Variants in TRHDE observed in about 807,000 individuals in gnomAD.
TRHDE encodes the protein thyrotropin-releasing hormone-degrading ectoenzyme.
In TRHDE, 72 loss-of-function variants were observed where a neutral mutation model predicts 125.7. The ratio of observed to expected loss-of-function variants is 0.57; its 90% CI spans 0.47 to 0.70. The LOEUF (loss-of-function observed/expected upper bound fraction) is 0.70. Ranked by LOEUF, TRHDE falls within the 30% of genes least tolerant of loss-of-function variation. The pLI is 0.00. For missense variants in TRHDE, 1,110 were observed against 1,327.1 expected (o/e 0.84, Z 2.54); for synonymous variants, 509 against 509.1 (o/e 1.00, Z 0.00).
chr12:72,561,922 T>C (rs1302413434), intron 7 of TRHDE, among the ~76,000 whole-genome samples: 3 of 152,178 alleles, frequency 2.0e-5, no homozygotes, highest in Non-Finnish European at 4.4e-5. Context: ...TCTGAATATC[T>C]GTAAGAAGTT....
chr12:72,429,629 A>G (rs1437776961), intron 3 of TRHDE, among the ~76,000 whole-genome samples: 1 of 152,056 alleles, frequency 6.6e-6, no homozygotes, highest in Non-Finnish European at 1.5e-5. Flanking sequence ...TGTCTGGACC[A>G]TTCTACATTC....
chr12:72,375,156 T>G (rs1219413402), intron 2 of TRHDE, among the ~76,000 whole-genome samples: 7 of 152,050 alleles, frequency 4.6e-5, no homozygotes, highest in Non-Finnish European at 5.9e-5. Flanking sequence ...GAAGGGAGGG[T>G]ACATTGTTAT....
At chr12:72,347,994 G>T (rs1431530474) in intron 2 of TRHDE, among the ~76,000 whole-genome samples, 1 of 151,898 alleles carries the variant, frequency 6.6e-6, no homozygotes, top group Non-Finnish European at 1.5e-5. Flanking sequence ...CCACACACAG[G>T]CTTGATTGTT....
chr12:72,280,803 A>G (rs563068239), intron 1 of TRHDE, among the ~76,000 whole-genome samples: 2 of 152,344 alleles, frequency 1.3e-5, no homozygotes, highest in South Asian at 4.1e-4. Flanking sequence ...CTTAAGTACC[A>G]AGGGAAAGGC....
intron 5 of TRHDE, among the ~76,000 whole-genome samples, chr12:72,476,717 A>G (rs1183260411): frequency 1.3e-5 from 2 of 152,184 alleles, no homozygotes; most frequent in Non-Finnish European, 2.9e-5. Flanking sequence ...TTTATCTGCT[A>G]GAGAGATACT....
At chr12:72,091,943 C>T (rs890005773) in intron 1 of TRHDE, among the ~76,000 whole-genome samples, 1 of 152,192 alleles carries the variant, frequency 6.6e-6, no homozygotes, top group Non-Finnish European at 1.5e-5. Context: ...AAGCAGAGAG[C>T]TCTCTTCTTC....
intron 2 of TRHDE, among the ~76,000 whole-genome samples, chr12:72,311,141 T>A (rs1868523125): frequency 6.6e-6 from 1 of 152,128 alleles, no homozygotes; most frequent in East Asian, 1.9e-4. Context: ...CACTCCAAAA[T>A]GTTCCTTTAT....
At chr12:72,539,523 C>A (rs915289626) in intron 6 of TRHDE, among the ~76,000 whole-genome samples, 1 of 151,812 alleles carries the variant, frequency 6.6e-6, no homozygotes, top group Admixed American at 6.6e-5. Context: ...CTCCTCTGAG[C>A]CAGACATAGG....
At chr12:72,379,331 A>G (rs181768642) in intron 3 of TRHDE, among the ~76,000 whole-genome samples, 4 of 152,290 alleles carry the variant, frequency 2.6e-5, no homozygotes, top group Admixed American at 2.6e-4. Context: ...TCATAGGCAA[A>G]ATTTTATTTT....
chr12:72,138,323 C>T (rs753768030), intron 2 of TRHDE, among the ~76,000 whole-genome samples: 15 of 151,918 alleles, frequency 9.9e-5, no homozygotes, highest in African/African-American at 3.4e-4. Flanking sequence ...TGCAGTGAGT[C>T]GAGATCACAC....
chr12:72,341,933 A>G (rs1005962318), intron 2 of TRHDE, among the ~76,000 whole-genome samples: 2 of 152,142 alleles, frequency 1.3e-5, no homozygotes, highest in Non-Finnish European at 2.9e-5. Flanking sequence ...ATGATTTTGG[A>G]AGAACTAGTC....
At chr12:72,598,813 A>C (rs1221957507) in intron 12 of TRHDE, among the ~76,000 whole-genome samples, 1 of 152,062 alleles carries the variant, frequency 6.6e-6, no homozygotes, top group Non-Finnish European at 1.5e-5. Context: ...TTTGGTATAG[A>C]AATGATCCCA....
At chr12:72,400,544 A>G (rs542356087) in intron 3 of TRHDE, among the ~76,000 whole-genome samples, 23 of 152,274 alleles carry the variant, frequency 1.5e-4, no homozygotes, top group African/African-American at 5.3e-4. Flanking sequence ...GATATTCTCA[A>G]ACCTTGGGAG....
At chr12:72,370,375 A>C (rs1871521537) in intron 2 of TRHDE, among the ~76,000 whole-genome samples, 1 of 152,080 alleles carries the variant, frequency 6.6e-6, no homozygotes, top group Non-Finnish European at 1.5e-5. Flanking sequence ...TTTCCTCCTA[A>C]TCCATCATCT....
intron 3 of TRHDE, among the ~76,000 whole-genome samples, chr12:72,425,869 G>A (rs1457775209): frequency 6.6e-6 from 1 of 151,836 alleles, no homozygotes; most frequent in Non-Finnish European, 1.5e-5. Flanking sequence ...ACAACAACAA[G>A]AATAAATTTT....
At chr12:72,485,851 C>T (rs1261605028) in intron 5 of TRHDE, among the ~76,000 whole-genome samples, 1 of 152,156 alleles carries the variant, frequency 6.6e-6, no homozygotes, top group African/African-American at 2.4e-5. Flanking sequence ...AGATGTCCCA[C>T]TTCTGTGGGG....
chr12:72,543,354 C>T (rs1183964688), intron 7 of TRHDE, among the ~76,000 whole-genome samples: 1 of 151,396 alleles, frequency 6.6e-6, no homozygotes, highest in African/African-American at 2.4e-5. Flanking sequence ...AATAATTTCC[C>T]TCAGAAAATA....
intron 12 of TRHDE, among the ~76,000 whole-genome samples, chr12:72,593,048 C>T (rs1871762091): frequency 1.3e-5 from 2 of 152,150 alleles, no homozygotes; most frequent in Non-Finnish European, 1.5e-5. Flanking sequence ...TATGTGAGTG[C>T]TACAGTGATC....
At chr12:72,139,668 T>C (rs1876068206) in intron 2 of TRHDE, among the ~76,000 whole-genome samples, 1 of 152,204 alleles carries the variant, frequency 6.6e-6, no homozygotes, top group Non-Finnish European at 1.5e-5. Context: ...TAAGCTGACA[T>C]TGAGATCAAC....
Sources: gnomAD v4.1 joint callset for allele counts (sites outside exome capture counted in the v4.1 genomes callset) on GRCh38, gnomAD v4.1.1 for gene constraint, MANE v1.5 for transcripts, NCBI Gene and HGNC (gene_info 2026-07-23, HGNC 2026-07-21) for gene names.